Variants in BSN observed in about 807,000 individuals in gnomAD.
The protein encoded by BSN is bassoon presynaptic cytomatrix protein, also known as protein bassoon.
A neutral mutation model predicts 264.8 loss-of-function variants in BSN; 57 were observed. The observed-to-expected ratio is 0.22, with a 90% confidence interval of 0.17 to 0.27. The LOEUF (loss-of-function observed/expected upper bound fraction) is 0.27. Ranked by LOEUF, BSN falls within the 10% of genes least tolerant of loss-of-function variation. The pLI, the probability that BSN is intolerant of heterozygous loss-of-function variation, is 1.00. For missense variants in BSN, 4,615 were observed against 5,232.5 expected (o/e 0.88, Z 3.64); for synonymous variants, 2,059 against 2,137.3 (o/e 0.96, Z 1.01).
rs2052539225 is a variant in BSN, at chr3:49,651,223, A to G, written c.1986+144A>G. On this transcript the variant is annotated intron_variant, in intron 4 of 11. Transcript: ENST00000296452. The surrounding 1 kb of genome is among the most constrained non-coding windows in gnomAD (Gnocchi z 5.4). ...GAGGGAAGGGACACAGTAGAAGGAA[A>G]GTCTAGATGAGGTTCTGGCACGCTT... The G allele has an allele frequency of 2.4e-6, 2 of 820,010 alleles. No individual in the cohort carries two copies. Among genetic ancestry groups the G allele is most frequent in the East Asian group, 5.4e-5 (2 of 36,924 alleles). 50.8% of individuals were successfully genotyped at this position (820,010 alleles called of 1,614,324 possible).
Position 49,650,960 on chromosome 3 carries a change from C to T in BSN, c.1867C>T (p.Pro623Ser), listed in dbSNP as rs768083318. Residue 623 changes from proline to serine, a missense_variant, in exon 4 of 12, where the codon CCT becomes TCT. Physicochemically the swap from Pro to Ser is moderately conservative, Grantham distance 74. Transcript: ENST00000296452. Reference protein sequence around the residue: ...PTKAEPMPKPPPETTPTPATP... With the variant: ...PTKAEPMPKPSPETTPTPATP... ...TAAAGCTGAGCCCATGCCGAAGCCA[C>T]CTCCAGAGACTACCCCAACCCCTGC... is the stretch of plus-strand genomic sequence containing the variant. 110 of 1,614,160 alleles carry T rather than the reference C, an allele frequency of 6.8e-5. 3 individuals carry two copies. The South Asian group carries it at 1.2e-3, about 18-fold the overall frequency.
intron 1 of BSN, among the ~76,000 whole-genome samples, chr3:49,577,934 G>A (rs1207575988): frequency 1.3e-5 from 2 of 152,210 alleles, no homozygotes; most frequent in Admixed American, 6.5e-5. Context: ...TGTAAAGGAA[G>A]AGCCTGCTAC....
Position 49,662,956 on chromosome 3 carries a change from G to A in BSN, c.10798G>A (p.Gly3600Ser). ...CTCTGACCGGTTCAGGCACCACGGG[G>A]GCCATGCAGTTTCCTCCTCCTCCCA... ...ARSDRFRHHG[G>S]HAVSSSSQKR... is the part of the protein sequence containing the mutation. The change falls in exon 7 of 12, where the codon GGC becomes AGC. Residue 3600 changes from glycine to serine, a missense_variant. Gly to Ser is a moderately conservative substitution (Grantham distance 56, BLOSUM62 0). This residue lies in a region of BSN where 3,415 missense variants were observed against 3,866.4 expected (regional missense o/e 0.88). Transcript: ENST00000296452. 6.2e-7 allele frequency: 1 copy of A among 1,614,148 alleles called. No individual in the cohort carries two copies. The highest frequency in any genetic ancestry group is 8.5e-7 in the Non-Finnish European group (1 of 1,180,024).
chr3:49,631,777 G>A (rs1167894181), intron 2 of BSN, among the ~76,000 whole-genome samples: 25 of 152,154 alleles, frequency 1.6e-4, no homozygotes, highest in Non-Finnish European at 5.9e-5. Flanking sequence ...GTCTCCTGAT[G>A]CACTCCCAAG....
In BSN at chr3:49,661,476, G is replaced by A; in HGVS notation, c.9631G>A (p.Ala3211Thr). ...GDRGSVSQSP[A>T]PTYPSDSHYT... is the part of the protein sequence containing the mutation. ...CCGTGGCAGTGTGAGCCAGAGCCCA[G>A]CCCCCACCTACCCCTCTGACTCACA... is the stretch of plus-strand genomic sequence containing the variant. The change falls in exon 6 of 12, where the codon GCC becomes ACC. Residue 3211 changes from alanine (A) to threonine (T), a missense_variant. Coordinates refer to ENST00000296452, the MANE Select transcript of BSN (RefSeq NM_003458.4). The A allele has an allele frequency of 1.2e-6, 2 of 1,613,976 alleles. No homozygotes were observed. Among genetic ancestry groups the A allele is most frequent in the Non-Finnish European group, 1.7e-6 (2 of 1,180,030 alleles).
intron 1 of BSN, among the ~76,000 whole-genome samples, chr3:49,575,466 A>G (rs1217970614): frequency 5.4e-5 from 8 of 147,832 alleles, no homozygotes; most frequent in South Asian, 2.1e-4. Context: ...ATGTAAATAT[A>G]TATATGTGTA....
intron 6 of BSN, 52 bp from the exon 7 acceptor site, chr3:49,662,824 C>T: frequency 1.3e-6 from 2 of 1,517,008 alleles, no homozygotes; most frequent in Non-Finnish European, 8.8e-7. Context: ...AGCTAGGCCT[C>T]CCCCTGCGGC....
chr3:49,558,790 G>A (rs149545542), intron 1 of BSN, among the ~76,000 whole-genome samples: 1 of 152,250 alleles, frequency 6.6e-6, no homozygotes, highest in East Asian at 1.9e-4. Context: ...AACCATTTTT[G>A]CATTTCTCCA....
At chr3:49,598,456 A>G (rs1004151604) in intron 1 of BSN, among the ~76,000 whole-genome samples, 1 of 152,204 alleles carries the variant, frequency 6.6e-6, no homozygotes, top group African/African-American at 2.4e-5. Context: ...GAGAGATCAA[A>G]GGTCAACAAT....
intron 1 of BSN, among the ~76,000 whole-genome samples, chr3:49,588,222 G>A (rs906105595): frequency 4.6e-5 from 7 of 151,938 alleles, no homozygotes; most frequent in African/African-American, 1.7e-4. Flanking sequence ...GCACCCGGCC[G>A]GGATTTTCCT....
Position 49,554,541 on chromosome 3 carries a change from C to T in BSN, c.-62C>T. The T allele has an allele frequency of 1.6e-6, 1 of 641,196 alleles. No homozygotes were observed. The allele number at this position is 641,196 out of a possible 1,614,324, so 39.7% of individuals were successfully genotyped here. A position where few individuals can be genotyped will look rare whatever the true frequency, so the allele number is the denominator to read the frequency against. On this transcript the variant is annotated 5_prime_UTR_variant, in exon 1 of 12. Transcript: ENST00000296452. ...GCGGCGGCGCCGAGAGTGTGAGCAC[C>T]GCCCGGGAGCCGCCGGCCCGGGCGC... is the stretch of plus-strand genomic sequence containing the variant.
intron 1 of BSN, among the ~76,000 whole-genome samples, chr3:49,613,396 A>G (rs1169548716): frequency 1.3e-5 from 2 of 151,020 alleles, no homozygotes; most frequent in East Asian, 3.9e-4. Flanking sequence ...GACAGAAAAC[A>G]GAGGGGCTAG....
chr3:49,671,967 G>C (rs1261301199), downstream of BSN, among the ~76,000 whole-genome samples: 1 of 150,996 alleles, frequency 6.6e-6, no homozygotes, highest in Non-Finnish European at 1.5e-5. This position sits in a 1 kb window ranked among gnomAD's most constrained non-coding sequence, Gnocchi z 4.1. Flanking sequence ...CCAGACCTTA[G>C]GCCTTCCTCA....
intron 1 of BSN, among the ~76,000 whole-genome samples, chr3:49,606,068 A>T (rs1463153317): frequency 1.1e-5 from 1 of 87,404 alleles, no homozygotes; most frequent in African/African-American, 4.8e-5. Context: ...TAAATATATT[A>T]TATAAAAATA....
At chr3:49,582,084 A>G (rs982153461) in intron 1 of BSN, among the ~76,000 whole-genome samples, 1 of 152,184 alleles carries the variant, frequency 6.6e-6, no homozygotes, top group Non-Finnish European at 1.5e-5. Flanking sequence ...TTTCTGTAGC[A>G]GCTGTACCGT....
At chr3:49,602,337 G>T (rs1285547467) in intron 1 of BSN, among the ~76,000 whole-genome samples, 1 of 152,176 alleles carries the variant, frequency 6.6e-6, no homozygotes, top group Admixed American at 6.5e-5. Flanking sequence ...GGGTCATGGA[G>T]CATGAAACAA....
chr3:49,614,338 C>T (rs1196345034), intron 1 of BSN, among the ~76,000 whole-genome samples: 3 of 152,134 alleles, frequency 2.0e-5, no homozygotes, highest in South Asian at 2.1e-4. Flanking sequence ...GGATTACAGG[C>T]GTGAGCCACC....
At position 49,663,093 on chromosome 3, in the gene BSN, C is replaced by T. The variant is rs1282450504; in HGVS notation, c.10935C>T (p.His3645=). Residue 3645 remains histidine, a synonymous_variant, in exon 7 of 12, where the codon CAC becomes CAT. Coordinates refer to ENST00000296452, the MANE Select transcript of BSN (RefSeq NM_003458.4). ...GCCGCCATGCCTCAGCCAAGGAACA[C>T]CGGCACGGTGACCACGGGCGGCACT... is the stretch of plus-strand genomic sequence containing the variant. ...GPGRHASAKE[H]RHGDHGRHSG... is the part of the protein sequence containing the mutation. 3 of 1,612,286 alleles carry T rather than the reference C, an allele frequency of 1.9e-6. No homozygotes were observed. Among genetic ancestry groups the T allele is most frequent in the Non-Finnish European group, 2.5e-6 (3 of 1,179,780 alleles).
Position 49,660,698 on chromosome 3 carries a change from G to A in BSN, c.8853G>A (p.Val2951=), listed in dbSNP as rs1295753811. Residue 2951 remains valine, a synonymous_variant, in exon 6 of 12, where the codon GTG becomes GTA. Transcript: ENST00000296452. The surrounding 1 kb of genome is among the most constrained non-coding windows in gnomAD (Gnocchi z 7.1). ...AGCTGGACCGGGACCTGCGGCTGGT[G>A]GAGCATGAGTCCACCAAACTGCGCA... ...LRELDRDLRL[V]EHESTKLRKK... 6.2e-7 allele frequency: 1 copy of A among 1,612,958 alleles called. No individual in the cohort carries two copies. The highest frequency in any genetic ancestry group is 1.3e-5 in the African/African-American group (1 of 74,936).
Sources: gnomAD v4.1 joint callset for allele counts (sites outside exome capture counted in the v4.1 genomes callset) on GRCh38, gnomAD v4.1.1 for gene constraint, gnomAD v4.1.1 regional missense constraint, Gnocchi (gnomAD v3.1) non-coding constraint, MANE v1.5 for transcripts, NCBI Gene and HGNC (gene_info 2026-07-23, HGNC 2026-07-21) for gene names.